The following DUSP16 variants were observed in gnomAD, a reference collection of about 807,000 sequenced individuals.
The protein encoded by DUSP16 is dual specificity protein phosphatase 16.
Under a neutral mutation model 58.3 loss-of-function variants are expected in DUSP16, and 21 were observed. The observed-to-expected ratio is 0.36, with a 90% CI of 0.26 to 0.52. The LOEUF (loss-of-function observed/expected upper bound fraction) is 0.52, where lower values mean the gene tolerates loss of function less well. Among genes scored for constraint, DUSP16 ranks in the 20% least tolerant of loss-of-function variants. The pLI, the probability that DUSP16 is intolerant of heterozygous loss-of-function variation, is 0.94. For missense variants in DUSP16, 726 were observed against 819.0 expected, an observed-to-expected ratio of 0.89 and a Z score of 1.39; for synonymous variants, 320 against 323.8, an observed-to-expected ratio of 0.99 and a Z score of 0.12.
rs58199331 is a variant in DUSP16, at chr12:12,502,518, A to G, written c.368-1836T>C. On this transcript the variant is annotated intron_variant, in intron 3 of 6. Transcript: ENST00000298573. ...AAATTCCTTTGTGTCACAGGCCCTC[A>G]GGATACCTGCACCTTACAGTTTCAT... Among the ~76,000 whole-genome samples, 424 of 152,018 alleles carry G rather than the reference A, an allele frequency of 2.8e-3. 2 individuals carry two copies. Among genetic ancestry groups the G allele is most frequent in the African/African-American group, 9.8e-3 (405 of 41,458 alleles).
intron 5 of DUSP16, among the ~76,000 whole-genome samples, chr12:12,484,251 C>T (rs1173754669): frequency 6.6e-6 from 1 of 152,040 alleles, no homozygotes; most frequent in Non-Finnish European, 1.5e-5. Context: ...GATGATGGCT[C>T]TAATAGAACC....
At position 12,474,919 on chromosome 12, in the gene DUSP16, A is replaced by T. The variant is rs571611955; in HGVS notation, c.*1914T>A. 70 of 152,286 alleles carry T rather than the reference A, an allele frequency of 4.6e-4. No individual in the cohort carries two copies. The highest frequency in any genetic ancestry group is 1.6e-3 in the African/African-American group (67 of 41,538). 9.4% of individuals were successfully genotyped at this position (152,286 alleles called of 1,614,324 possible). A position where few individuals can be genotyped will look rare whatever the true frequency, so the allele number is the denominator to read the frequency against. ...AATGTATATCTAAAAACTAACTCAAATCGTTGACCAGCACTTTCCCAGTAT... is the reference window on the plus strand; with the variant it reads ...AATGTATATCTAAAAACTAACTCAATTCGTTGACCAGCACTTTCCCAGTAT... On this transcript the variant is annotated 3_prime_UTR_variant, in exon 7 of 7. Coordinates refer to ENST00000298573, the MANE Select transcript of DUSP16 (RefSeq NM_030640.3).
chr12:12,526,719 A>C (rs537617361), intron 1 of DUSP16, among the ~76,000 whole-genome samples: 9 of 152,256 alleles, frequency 5.9e-5, no homozygotes, highest in African/African-American at 2.2e-4. Flanking sequence ...TTTCTCTTCA[A>C]CTTCCCAAAC....
chr12:12,543,772 T>TA (rs1186792559), intron 1 of DUSP16, among the ~76,000 whole-genome samples: 9 of 151,956 alleles, frequency 5.9e-5, no homozygotes, highest in Middle Eastern at 3.2e-3. Context: ...ACAAAACCAA[T>TA]AAAAAACTCA....
chr12:12,513,586 T>C (rs1211774433), intron 3 of DUSP16, among the ~76,000 whole-genome samples: 1 of 152,192 alleles, frequency 6.6e-6, no homozygotes, highest in Non-Finnish European at 1.5e-5. Context: ...GGCTGAAGTC[T>C]GTGGTTCATT....
In DUSP16 at chr12:12,547,413, G is replaced by A. The variant is rs112610677; in HGVS notation, c.-366+14704C>T. Among the ~76,000 whole-genome samples the A allele has an allele frequency of 2.2e-3, 318 of 144,812 alleles. 1 individual carries two copies. The highest frequency in any genetic ancestry group is 7.5e-3 in the African/African-American group (291 of 38,622). On this transcript the variant is annotated intron_variant, in intron 1 of 6. Coordinates refer to ENST00000298573, the MANE Select transcript of DUSP16 (RefSeq NM_030640.3). ...TGCACTCTAGCCTGGGCGACAGAGC[G>A]AGACTTGGTCTCAAAACAAACAAAA...
intron 3 of DUSP16, among the ~76,000 whole-genome samples, chr12:12,512,397 C>T (rs556678515): frequency 2.8e-4 from 43 of 152,218 alleles, no homozygotes; most frequent in Non-Finnish European, 5.0e-4. Flanking sequence ...TATTGTCAAC[C>T]GTAGTCACCA....
chr12:12,478,374 C>G (rs1477053720), intron 6 of DUSP16, among the ~76,000 whole-genome samples: 1 of 151,940 alleles, frequency 6.6e-6, no homozygotes, highest in East Asian at 1.9e-4. Flanking sequence ...GTTCTGTCGC[C>G]CAGGCTGGAA....
intron 1 of DUSP16, among the ~76,000 whole-genome samples, chr12:12,541,924 A>G (rs1944565622): frequency 6.6e-6 from 1 of 152,238 alleles, no homozygotes; most frequent in South Asian, 2.1e-4. Context: ...ATGAATAGAT[A>G]AACAAAATGC....
intron 1 of DUSP16, among the ~76,000 whole-genome samples, chr12:12,524,013 G>A (rs1944269878): frequency 6.6e-6 from 1 of 152,224 alleles, no homozygotes; most frequent in African/African-American, 2.4e-5. Flanking sequence ...ATGGGACAAA[G>A]CAGTTATCTG....
rs776733348 is a variant in DUSP16, at chr12:12,477,600, C to G, written c.1231G>C (p.Ala411Pro). Residue 411 changes from alanine (A) to proline (P), a missense_variant, in exon 7 of 7, where the codon GCC (alanine) becomes CCC (proline). By Grantham distance (27) the Ala-to-Pro change is conservative. Transcript: ENST00000298573. This position sits in a 1 kb window ranked among gnomAD's most constrained non-coding sequence, Gnocchi z 4.1. Reference sequence around the variant, plus strand: ...CCATGTAAGGATGCTGCCATGCTGGCTGAATATGAAACTGATTTGATATCC... The same window carrying G: ...CCATGTAAGGATGCTGCCATGCTGGGTGAATATGAAACTGATTTGATATCC... ...SLDIKSVSYS[A>P]SMAASLHGFS... The G allele has an allele frequency of 1.2e-6, 2 of 1,614,220 alleles. No individual in the cohort carries two copies. Among genetic ancestry groups the G allele is most frequent in the African/African-American group, 1.3e-5 (1 of 75,066 alleles).
At chr12:12,511,341 T>C (rs1944077002) in intron 3 of DUSP16, among the ~76,000 whole-genome samples, 1 of 152,110 alleles carries the variant, frequency 6.6e-6, no homozygotes, top group South Asian at 2.1e-4. Flanking sequence ...TAGCTCACAA[T>C]ACCCATCACC....
intron 1 of DUSP16, chr12:12,554,576 C>A (rs1944780523): frequency 6.6e-6 from 1 of 152,150 alleles, no homozygotes; most frequent in Non-Finnish European, 1.5e-5. Context: ...TTTATCAATA[C>A]TCTTTTATTC....
In DUSP16 at chr12:12,521,479, A is replaced by G; in HGVS notation, c.-365-16T>C. The G allele has an allele frequency of 1.1e-5, 11 of 1,041,040 alleles. No homozygotes were observed. Among genetic ancestry groups the G allele is most frequent in the South Asian group, 3.6e-5 (1 of 27,438 alleles). The allele number at this position is 1,041,040 out of a possible 1,614,324, so 64.5% of individuals were successfully genotyped here. On this transcript the variant is annotated splice_polypyrimidine_tract_variant and intron_variant, in intron 1 of 6. Coordinates refer to ENST00000298573, the MANE Select transcript of DUSP16 (RefSeq NM_030640.3). ...GACTGAAAGCCTACGCGGAGAGAGA[A>G]AGACAGAAAACAAAACGTGAGGTCA...
chr12:12,550,474 C>T (rs570534019), intron 1 of DUSP16, among the ~76,000 whole-genome samples: 8 of 152,018 alleles, frequency 5.3e-5, no homozygotes, highest in Non-Finnish European at 7.4e-5. Flanking sequence ...AACAGTGGGT[C>T]GAGGATGCAC....
chr12:12,485,252 T>C (rs1019736007), intron 5 of DUSP16: 4 of 152,128 alleles, frequency 2.6e-5, no homozygotes, highest in African/African-American at 9.7e-5. Flanking sequence ...CCTCAGGTGA[T>C]CTGCCAGCCT....
At chr12:12,508,486 A>G (rs1384195927) in intron 3 of DUSP16, among the ~76,000 whole-genome samples, 1 of 152,172 alleles carries the variant, frequency 6.6e-6, no homozygotes, top group African/African-American at 2.4e-5. Context: ...TTTTTTCCAC[A>G]GCATTAGCAG....
At chr12:12,500,711 A>C (rs568182359) in intron 3 of DUSP16, 29 bp from the exon 4 acceptor site, 1 of 1,502,264 alleles carries the variant, frequency 6.7e-7, no homozygotes, top group Non-Finnish European at 8.8e-7. Context: ...AAATTATAAA[A>C]AATTATGCCA....
chr12:12,546,301 C>CCTAT (rs1407206353), intron 1 of DUSP16, among the ~76,000 whole-genome samples: 2 of 152,130 alleles, frequency 1.3e-5, no homozygotes, highest in Admixed American at 1.3e-4. Flanking sequence ...AAATGTCCAG[C>CCTAT]CTATGCTCAG....
Sources: gnomAD v4.1 joint callset for allele counts (sites outside exome capture counted in the v4.1 genomes callset) on GRCh38, gnomAD v4.1.1 for gene constraint, Gnocchi (gnomAD v3.1) non-coding constraint, MANE v1.5 for transcripts, NCBI Gene and HGNC (gene_info 2026-07-23, HGNC 2026-07-21) for gene names.